ROBO2: variants seen among roughly 807,000 people sequenced by gnomAD.
The protein encoded by ROBO2 is roundabout homolog 2.
Under a neutral mutation model 160.8 loss-of-function variants are expected in ROBO2, and 53 were observed. The ratio of observed to expected loss-of-function variants is 0.33; its 90% CI spans 0.26 to 0.41. The LOEUF is 0.41. Among genes scored for constraint, ROBO2 ranks in the 10% least tolerant of loss-of-function variants. The pLI is 1.00. For synonymous variants in ROBO2, 664 were observed against 611.7 expected, an observed-to-expected ratio of 1.09 and a Z score of -1.26; for missense variants, 1,577 against 1,722.4, an observed-to-expected ratio of 0.92 and a Z score of 1.49.
intron 2 of ROBO2, among the ~76,000 whole-genome samples, chr3:76,877,813 A>G (rs1341451578): frequency 6.6e-6 from 1 of 152,140 alleles, no homozygotes; most frequent in Non-Finnish European, 1.5e-5. Context: ...TCTGGCTTGC[A>G]CAGTTACCTT....
intron 2 of ROBO2, among the ~76,000 whole-genome samples, chr3:76,039,973 T>A (rs1211602021): frequency 6.6e-6 from 1 of 152,076 alleles, no homozygotes; most frequent in Admixed American, 6.5e-5. Flanking sequence ...TATTGCTGTG[T>A]TAAATAATAT....
intron 2 of ROBO2, among the ~76,000 whole-genome samples, chr3:77,172,490 C>A (rs1034476951): frequency 1.3e-5 from 2 of 152,018 alleles, no homozygotes; most frequent in African/African-American, 4.8e-5. Context: ...CATTATTCTA[C>A]CATTCAGAGG....
intron 1 of ROBO2, among the ~76,000 whole-genome samples, chr3:77,077,932 G>T (rs1001525619): frequency 1.3e-5 from 2 of 152,016 alleles, no homozygotes; most frequent in African/African-American, 4.8e-5. Context: ...ACAATTTAAA[G>T]TCACCTTTTG....
chr3:76,328,813 C>T (rs1442995373), intron 2 of ROBO2, among the ~76,000 whole-genome samples: 1 of 151,438 alleles, frequency 6.6e-6, no homozygotes, highest in African/African-American at 2.4e-5. Flanking sequence ...GAGCCGAGAT[C>T]GCGCCACCGC....
At chr3:76,575,044 A>G (rs1433695893) in intron 2 of ROBO2, among the ~76,000 whole-genome samples, 2 of 152,160 alleles carry the variant, frequency 1.3e-5, no homozygotes, top group African/African-American at 4.8e-5. Flanking sequence ...AAACAGAAAA[A>G]TGTTTGTTTT....
In ROBO2 at chr3:77,295,677, A is replaced by C. The variant is rs577434006; in HGVS notation, c.389-181737A>C. 4.0e-4 allele frequency among the ~76,000 whole-genome samples: 61 copies of C among 150,738 alleles called. 1 individual carries two copies. The highest frequency in any genetic ancestry group is 5.9e-4 in the Non-Finnish European group (40 of 67,714). ...TCACCCCAGACATAAAGTAAAATTG[A>C]TGGTTAAACGGGAAGTTGAGGCTAG... On this transcript the variant is annotated intron_variant, in intron 2 of 25. Coordinates refer to ENST00000461745, the Ensembl canonical transcript of ROBO2.
intron 2 of ROBO2, among the ~76,000 whole-genome samples, chr3:76,232,052 C>T (rs760227993): frequency 6.6e-6 from 1 of 152,120 alleles, no homozygotes; most frequent in Non-Finnish European, 1.5e-5. Context: ...TTTCATCATA[C>T]ATTGATCCTG....
chr3:76,626,900 C>A (rs1284938556), intron 2 of ROBO2, among the ~76,000 whole-genome samples: 2 of 152,100 alleles, frequency 1.3e-5, no homozygotes, highest in Admixed American at 6.6e-5. Context: ...CCATTTTCGC[C>A]AGGATGGTCT....
intron 1 of ROBO2, among the ~76,000 whole-genome samples, chr3:77,083,611 A>G (rs1229810792): frequency 6.6e-6 from 1 of 152,190 alleles, no homozygotes; most frequent in Non-Finnish European, 1.5e-5. Flanking sequence ...AGAGACACAG[A>G]TGGTGACTGT....
intron 2 of ROBO2, among the ~76,000 whole-genome samples, chr3:77,287,010 A>C (rs2060648545): frequency 6.6e-6 from 1 of 152,206 alleles, no homozygotes; most frequent in Admixed American, 6.6e-5. Context: ...CATTCGTTTG[A>C]GCTCTCTTAG....
chr3:76,069,646 A>T (rs2068379768), intron 2 of ROBO2, among the ~76,000 whole-genome samples: 1 of 152,032 alleles, frequency 6.6e-6, no homozygotes, highest in Non-Finnish European at 1.5e-5. Flanking sequence ...AAAATTAGAA[A>T]CATCCTAAAC....
chr3:77,605,365 T>C (rs2094506632), intron 20 of ROBO2, among the ~76,000 whole-genome samples: 3 of 152,064 alleles, frequency 2.0e-5, no homozygotes, highest in Admixed American at 1.3e-4. Context: ...AAGGTTCAGA[T>C]CTCAGAGAAT....
chr3:76,969,567 C>A (rs527403065), intron 2 of ROBO2, among the ~76,000 whole-genome samples: 1 of 152,100 alleles, frequency 6.6e-6, no homozygotes, highest in Non-Finnish European at 1.5e-5. Flanking sequence ...AAAAATAATT[C>A]TTTTGAAGAA....
At chr3:76,215,146 C>G (rs988122350) in intron 2 of ROBO2, among the ~76,000 whole-genome samples, 1 of 152,122 alleles carries the variant, frequency 6.6e-6, no homozygotes. Flanking sequence ...GACATCCACA[C>G]CAAAACCCCA....
chr3:76,465,810 G>T (rs560696693), intron 2 of ROBO2, among the ~76,000 whole-genome samples: 2 of 151,936 alleles, frequency 1.3e-5, no homozygotes, highest in East Asian at 1.9e-4. Flanking sequence ...ATATTATGAA[G>T]ACCACTGCCT....
chr3:76,097,663 A>G (rs1030898861), intron 2 of ROBO2, among the ~76,000 whole-genome samples: 1 of 152,182 alleles, frequency 6.6e-6, no homozygotes, highest in Non-Finnish European at 1.5e-5. Context: ...TCTCACTGAG[A>G]TGGGGACATT....
intron 2 of ROBO2, among the ~76,000 whole-genome samples, chr3:76,255,065 T>C (rs1395442553): frequency 6.6e-6 from 1 of 152,076 alleles, no homozygotes; most frequent in Admixed American, 6.6e-5. Flanking sequence ...CAAATGGAGA[T>C]GCCATTCATT....
At chr3:77,028,651 C>T (rs1055438259) in intron 2 of ROBO2, among the ~76,000 whole-genome samples, 5 of 151,986 alleles carry the variant, frequency 3.3e-5, no homozygotes, top group Non-Finnish European at 7.4e-5. Flanking sequence ...ACCTGGGAGA[C>T]GGGGTTGCAG....
Position 76,851,769 on chromosome 3 carries a change from T to A in ROBO2, c.110-246245T>A, listed in dbSNP as rs1245373752. 1.3e-3 allele frequency among the ~76,000 whole-genome samples: 171 copies of A among 135,710 alleles called. 3 individuals carry two copies. Among genetic ancestry groups the A allele is most frequent in the African/African-American group, 4.2e-3 (147 of 34,594 alleles). The allele number at this position is 135,710 out of a possible 152,430, so 89.0% of individuals were successfully genotyped here. A position where few individuals can be genotyped will look rare whatever the true frequency, so the allele number is the denominator to read the frequency against. Reference sequence around the variant, plus strand: ...AAAAAAAAAAAAAAAAAAAAAATATTAACATGTGCTTGAATATAGTTAATA... The same window carrying A: ...AAAAAAAAAAAAAAAAAAAAAATATAAACATGTGCTTGAATATAGTTAATA... On this transcript the variant is annotated intron_variant, in intron 2 of 26. Coordinates refer to the ROBO2 transcript ENST00000487694.
Sources: gnomAD v4.1 joint callset for allele counts (sites outside exome capture counted in the v4.1 genomes callset) on GRCh38, gnomAD v4.1.1 for gene constraint, MANE v1.5 for transcripts, NCBI Gene and HGNC (gene_info 2026-07-23, HGNC 2026-07-21) for gene names.